Variants in LINGO2 observed in about 807,000 individuals in gnomAD.
LINGO2 encodes leucine-rich repeat and immunoglobulin-like domain-containing nogo receptor-interacting protein 2.
LINGO2 carries 14 observed loss-of-function variants against 30.6 expected under a neutral mutation model. The ratio of observed to expected loss-of-function variants is 0.46; its 90% CI spans 0.30 to 0.72. The LOEUF (loss-of-function observed/expected upper bound fraction) is 0.72, where lower values mean the gene tolerates loss of function less well. Among genes scored for constraint, LINGO2 ranks in the 30% least tolerant of loss-of-function variants. LINGO2 has a pLI of 0.07. For missense variants in LINGO2, 729 were observed against 751.7 expected, an observed-to-expected ratio of 0.97 and a Z score of 0.35; for synonymous variants, 317 against 288.5, an observed-to-expected ratio of 1.10 and a Z score of -1.00.
At chr9:28,038,489 C>T (rs370671161) in intron 4 of LINGO2, among the ~76,000 whole-genome samples, 2 of 151,986 alleles carry the variant, frequency 1.3e-5, no homozygotes, top group East Asian at 1.9e-4. Context: ...GTCAGGAGAT[C>T]GAGACCATCC....
intron 1 of LINGO2, among the ~76,000 whole-genome samples, chr9:28,629,584 G>A (rs71482104): frequency 0.093 from 14,198 of 151,888 alleles, 870 homozygotes; most frequent in East Asian, 0.19. Context: ...CTAAAAATGA[G>A]AAATTAAATT....
chr9:28,797,565 A>C, the LINGO2 span, among the ~76,000 whole-genome samples: 1 of 151,952 alleles, frequency 6.6e-6, no homozygotes, highest in Non-Finnish European at 1.5e-5. Context: ...TTTTGATCTG[A>C]GCATCTAAAA....
chr9:29,155,326 T>C, the LINGO2 span, among the ~76,000 whole-genome samples: 1 of 152,132 alleles, frequency 6.6e-6, no homozygotes, highest in Non-Finnish European at 1.5e-5. Context: ...AAATAAATTT[T>C]TTAAAGTAGG....
intron 3 of LINGO2, among the ~76,000 whole-genome samples, chr9:28,317,146 G>A (rs976651110): frequency 1.3e-5 from 2 of 152,094 alleles, no homozygotes; most frequent in African/African-American, 4.8e-5. Context: ...GAAACTTTGA[G>A]GTCTGAAGAT....
chr9:29,125,280 G>A, the LINGO2 span, among the ~76,000 whole-genome samples: 11 of 152,170 alleles, frequency 7.2e-5, no homozygotes, highest in East Asian at 2.1e-3. Context: ...TCAAGTGGAG[G>A]AAGAGCATTA....
chr9:28,286,144 G>A (rs1023513151), intron 4 of LINGO2, among the ~76,000 whole-genome samples: 2 of 152,000 alleles, frequency 1.3e-5, no homozygotes, highest in African/African-American at 4.8e-5. Context: ...ACTAAATAAC[G>A]GCACTTTAGT....
chr9:28,029,367 C>A, intron 4 of LINGO2, among the ~76,000 whole-genome samples: 1 of 152,120 alleles, frequency 6.6e-6, no homozygotes, highest in East Asian at 1.9e-4. Flanking sequence ...AATATATTGA[C>A]AAACACTAAA....
the LINGO2 span, among the ~76,000 whole-genome samples, chr9:29,042,377 C>A: frequency 1.3e-5 from 2 of 151,910 alleles, no homozygotes; most frequent in African/African-American, 4.8e-5. Flanking sequence ...GATGTTCACA[C>A]AAAAACCTGT....
the LINGO2 span, among the ~76,000 whole-genome samples, chr9:28,776,878 T>C: frequency 1.7e-4 from 26 of 151,880 alleles, no homozygotes; most frequent in African/African-American, 6.3e-4. Context: ...CTCCATAATA[T>C]GGTTTGGATT....
intron 3 of LINGO2, among the ~76,000 whole-genome samples, chr9:28,353,504 C>G (rs1820006610): frequency 6.6e-6 from 1 of 152,004 alleles, no homozygotes; most frequent in African/African-American, 2.4e-5. Flanking sequence ...CAGGAAACAG[C>G]AGGTGCTGGA....
the LINGO2 span, among the ~76,000 whole-genome samples, chr9:28,781,437 C>T: frequency 6.6e-6 from 1 of 152,106 alleles, no homozygotes; most frequent in Admixed American, 6.6e-5. Context: ...AAAGATAGCA[C>T]GCTGAAAATT....
chr9:28,319,938 A>G (rs10968505), intron 3 of LINGO2, among the ~76,000 whole-genome samples: 1 of 151,810 alleles, frequency 6.6e-6, no homozygotes, highest in Non-Finnish European at 1.5e-5. Flanking sequence ...CATGAATCTT[A>G]AAGTACTAGA....
At chr9:28,664,996 CATATATATATATATATATATATAT>C (rs10527878) in intron 1 of LINGO2, among the ~76,000 whole-genome samples, 20 of 96,270 alleles carry the variant, frequency 2.1e-4, no homozygotes, top group Admixed American at 6.3e-4. Flanking sequence ...TATGTGTTTA[CATATATATATATATATATATATAT>C]ATATATATAT....
intron 4 of LINGO2, among the ~76,000 whole-genome samples, chr9:28,100,592 C>T (rs1474091839): frequency 6.6e-6 from 1 of 152,096 alleles, no homozygotes; most frequent in African/African-American, 2.4e-5. Flanking sequence ...TAGAAGAAGA[C>T]AATTCTAGTT....
At chr9:28,419,775 A>G (rs992853404) in intron 2 of LINGO2, among the ~76,000 whole-genome samples, 2 of 151,530 alleles carry the variant, frequency 1.3e-5, no homozygotes, top group Non-Finnish European at 2.9e-5. Flanking sequence ...TGCCAATAAT[A>G]GAAATACTAC....
the LINGO2 span, among the ~76,000 whole-genome samples, chr9:28,773,988 G>T: frequency 6.7e-6 from 1 of 149,940 alleles, no homozygotes; most frequent in Admixed American, 6.7e-5. Flanking sequence ...AAACTTTTTT[G>T]ATATGTTAAA....
chr9:28,177,395 C>T (rs576956199), intron 4 of LINGO2, among the ~76,000 whole-genome samples: 15 of 152,274 alleles, frequency 9.9e-5, no homozygotes, highest in South Asian at 6.2e-4. Context: ...TCCGAATTTA[C>T]GCCTTCTGAT....
At chr9:28,986,811 T>A in the LINGO2 span, among the ~76,000 whole-genome samples, 1 of 152,058 alleles carries the variant, frequency 6.6e-6, no homozygotes, top group Non-Finnish European at 1.5e-5. Flanking sequence ...AAATCTCATG[T>A]AATTTATAAA....
In LINGO2 at chr9:27,981,366, G is replaced by C. The variant is rs149512375; in HGVS notation, c.-35-30660C>G. 1.1e-4 allele frequency among the ~76,000 whole-genome samples: 17 copies of C among 151,082 alleles called. No individual in the cohort carries two copies. In the East Asian group the frequency reaches 3.3e-3, roughly 30 times the overall value. ...TAGGTAACTTTCCCCTTATCACACA[G>C]ATAATAAAAAGCGAAACATGAGCTC... On this transcript the variant is annotated intron_variant, in intron 5 of 5. Transcript: ENST00000379992.
Sources: allele counts gnomAD v4.1 joint callset (sites outside exome capture counted in the v4.1 genomes callset), GRCh38; gene constraint gnomAD v4.1.1; transcripts MANE v1.5; gene names NCBI Gene and HGNC (gene_info 2026-07-23, HGNC 2026-07-21).